CNTNAP3B: variants seen among roughly 807,000 people sequenced by gnomAD.
CNTNAP3B encodes the protein contactin associated protein family member 3B, also known as contactin-associated protein-like 3B.
A neutral mutation model predicts 108.9 loss-of-function variants in CNTNAP3B; 25 were observed. That is an observed-to-expected ratio of 0.23 (90% confidence interval 0.17 to 0.32). The LOEUF (loss-of-function observed/expected upper bound fraction) is 0.32, where lower values mean the gene tolerates loss of function less well. Ranked by LOEUF, CNTNAP3B falls within the 10% of genes least tolerant of loss-of-function variation. The pLI is 1.00. For missense variants in CNTNAP3B, 252 were observed against 1,210.4 expected (o/e 0.21, Z 11.75); for synonymous variants, 103 against 473.4 (o/e 0.22, Z 10.16).
At chr9:41,938,575 C>A (rs1297334108) in intron 13 of CNTNAP3B, among the ~76,000 whole-genome samples, 175 bp from the exon 14 acceptor site, 2 of 152,276 alleles carry the variant, frequency 1.3e-5, no homozygotes, top group Non-Finnish European at 2.9e-5. Flanking sequence ...TAAGCCTAAC[C>A]AATGTTTTTC....
At chr9:42,047,233 GTT>G in intron 3 of CNTNAP3B, among the ~76,000 whole-genome samples, 1 of 91,982 alleles carries the variant, frequency 1.1e-5, no homozygotes, top group South Asian at 3.9e-4. Context: ...AACTTAAAAA[GTT>G]TTGCTGTTTT....
Position 42,080,648 on chromosome 9 carries a change from T to C in CNTNAP3B, c.197-3586A>G, listed in dbSNP as rs180729239. On this transcript the variant is annotated intron_variant, in intron 2 of 23. Transcript: ENST00000377561. ...TAATTGTCCAGTCACTCAGCCTCTC[T>C]GAGACAAAAATGTTGTCTTTGTTTA... is the stretch of plus-strand genomic sequence containing the variant. Among the ~76,000 whole-genome samples, 92 of 68,882 alleles carry C rather than the reference T, an allele frequency of 1.3e-3. 16 individuals carry two copies. Among genetic ancestry groups the C allele is most frequent in the African/African-American group, 4.0e-3 (82 of 20,390 alleles). 45.2% of individuals were successfully genotyped at this position (68,882 alleles called of 152,430 possible).
chr9:41,926,379 AG>A (rs1360898448), intron 15 of CNTNAP3B, among the ~76,000 whole-genome samples: 1 of 152,264 alleles, frequency 6.6e-6, no homozygotes, highest in Non-Finnish European at 1.5e-5. Context: ...GATGAAGATA[AG>A]GAAAGGAAAA....
At chr9:42,035,816 C>A (rs1718094373) in intron 3 of CNTNAP3B, among the ~76,000 whole-genome samples, 1 of 148,556 alleles carries the variant, frequency 6.7e-6, no homozygotes, top group South Asian at 2.1e-4. Flanking sequence ...TGCCACTATG[C>A]CCAGCTAATT....
intron 12 of CNTNAP3B, among the ~76,000 whole-genome samples, chr9:41,959,831 T>A (rs1260035477): frequency 3.3e-5 from 5 of 152,298 alleles, no homozygotes. Context: ...ATGAAACTTT[T>A]GAAACCTTTT....
At chr9:42,110,910 T>C (rs28513285) in intron 1 of CNTNAP3B, among the ~76,000 whole-genome samples, 59,298 of 136,832 alleles carry the variant, frequency 0.43, 17,346 homozygotes, top group East Asian at 0.69. Context: ...TCGGAAAAAG[T>C]ACATTTTACT....
intron 1 of CNTNAP3B, among the ~76,000 whole-genome samples, chr9:42,122,753 A>C (rs906865102): frequency 7.3e-6 from 1 of 136,160 alleles, no homozygotes; most frequent in Non-Finnish European, 1.6e-5. Context: ...ACACCTTAAA[A>C]GGTTATCTGC....
intron 3 of CNTNAP3B, among the ~76,000 whole-genome samples, chr9:42,054,231 T>C (rs1385083686): frequency 8.6e-5 from 7 of 81,766 alleles, no homozygotes; most frequent in African/African-American, 3.2e-4. Context: ...ACCATGTGAA[T>C]TTAAAAATGA....
At chr9:41,916,431 TTG>T (rs1275774192) in intron 18 of CNTNAP3B, among the ~76,000 whole-genome samples, 13 of 151,934 alleles carry the variant, frequency 8.6e-5, no homozygotes, top group Non-Finnish European at 1.5e-4. Flanking sequence ...TATTTGTTTT[TTG>T]TGTGTAGATT....
At chr9:41,966,806 A>T (rs1825292797) in intron 10 of CNTNAP3B, among the ~76,000 whole-genome samples, 1 of 151,180 alleles carries the variant, frequency 6.6e-6, no homozygotes, top group Admixed American at 6.6e-5. Context: ...TCTTTACTAA[A>T]AATACAAAAA....
chr9:41,965,389 C>G (rs879718295), intron 10 of CNTNAP3B, among the ~76,000 whole-genome samples: 2,443 of 149,528 alleles, frequency 0.016, 3 homozygotes, highest in African/African-American at 0.059. Flanking sequence ...TATTGGGGGC[C>G]TAGCATGCCT....
Position 41,934,140 on chromosome 9 carries a change from T to TACACACACATATATATACAC in CNTNAP3B, c.2237+4084_2237+4103dup, listed in dbSNP as rs1824076827. Among the ~76,000 whole-genome samples, 4 of 113,394 alleles carry TACACACACATATATATACAC rather than the reference T, an allele frequency of 3.5e-5. No individual in the cohort carries two copies. In the South Asian group the frequency reaches 1.1e-3, roughly 30 times the overall value. The allele number at this position is 113,394 out of a possible 152,430, so 74.4% of individuals were successfully genotyped here. On this transcript the variant is annotated intron_variant, in intron 14 of 23. Coordinates refer to ENST00000377561, the MANE Select transcript of CNTNAP3B (RefSeq NM_001201380.3). Reference sequence around the variant, plus strand: ...ATATATATACACACACATATATATATACACACACATATATATACACACACA... The same window carrying TACACACACATATATATACAC: ...ATATATATACACACACATATATATATACACACACATATATATACACACACACACATATATATACACACACA...
chr9:42,109,811 G>A (rs1280012683), intron 1 of CNTNAP3B, among the ~76,000 whole-genome samples: 1 of 135,104 alleles, frequency 7.4e-6, no homozygotes, highest in African/African-American at 3.0e-5. Context: ...CCTGAGACGA[G>A]GAAATTATCT....
intron 3 of CNTNAP3B, among the ~76,000 whole-genome samples, chr9:42,060,229 G>C (rs971243027): frequency 3.6e-5 from 5 of 137,410 alleles, no homozygotes; most frequent in Non-Finnish European, 6.2e-5. Flanking sequence ...AGAGATTTTA[G>C]AATAAAAGGT....
At chr9:41,930,628 C>A (rs1372304578) in intron 14 of CNTNAP3B, among the ~76,000 whole-genome samples, 1 of 152,272 alleles carries the variant, frequency 6.6e-6, no homozygotes, top group Non-Finnish European at 1.5e-5. Flanking sequence ...ATTGAGGACA[C>A]AGAGTAAAAA....
chr9:41,961,402 C>A (rs566032967), intron 11 of CNTNAP3B, among the ~76,000 whole-genome samples: 3 of 152,304 alleles, frequency 2.0e-5, no homozygotes, highest in East Asian at 1.9e-4. Context: ...CTGAATTCTG[C>A]GTGCTATTGA....
chr9:42,095,109 A>G (rs1365565962), intron 2 of CNTNAP3B, among the ~76,000 whole-genome samples: 1 of 136,378 alleles, frequency 7.3e-6, no homozygotes, highest in Non-Finnish European at 1.6e-5. Flanking sequence ...CAAAAGAACA[A>G]CAGAAATTAT....
chr9:42,098,814 A>T (rs1025271579), intron 2 of CNTNAP3B, among the ~76,000 whole-genome samples: 3 of 130,328 alleles, frequency 2.3e-5, no homozygotes, highest in African/African-American at 9.3e-5. Flanking sequence ...TATTTGTGCT[A>T]ATAATAGAAA....
At chr9:41,958,082 A>T (rs1273323813) in intron 12 of CNTNAP3B, among the ~76,000 whole-genome samples, 2 of 152,250 alleles carry the variant, frequency 1.3e-5, no homozygotes, top group African/African-American at 4.8e-5. Context: ...CTGTCTCTTC[A>T]AAGTGTGTTT....
Sources: gnomAD v4.1 joint callset for allele counts (sites outside exome capture counted in the v4.1 genomes callset) on GRCh38, gnomAD v4.1.1 for gene constraint, MANE v1.5 for transcripts, NCBI Gene and HGNC (gene_info 2026-07-23, HGNC 2026-07-21) for gene names.